The following RB1CC1 variants were observed in gnomAD, a reference collection of about 807,000 sequenced individuals.
RB1CC1 encodes RB1-inducible coiled-coil protein 1.
In RB1CC1, 46 loss-of-function variants were observed where a neutral mutation model predicts 177.5. The observed-to-expected ratio is 0.26, with a 90% confidence interval of 0.20 to 0.33. The LOEUF is 0.33. RB1CC1 is among the 10% of genes least tolerant of loss of function. RB1CC1 has a pLI of 1.00. For missense variants in RB1CC1, 1,703 were observed against 1,816.3 expected, an observed-to-expected ratio of 0.94 and a Z score of 1.13; for synonymous variants, 666 against 613.6, an observed-to-expected ratio of 1.09 and a Z score of -1.26.
rs114269867 is a variant in RB1CC1 at position 52,644,448 on chromosome 8, A to T, written c.3987+1254T>A. 1.2e-3 allele frequency among the ~76,000 whole-genome samples: 178 copies of T among 152,354 alleles called. 1 individual carries two copies. The highest frequency in any genetic ancestry group is 3.9e-3 in the African/African-American group (164 of 41,582). ...CATGTGCTTATAAGAGAACACACAA[A>T]GAGACAATGCAACACAAGGAGATAA... On this transcript the variant is annotated intron_variant, in intron 16 of 23. Transcript: ENST00000025008.
At chr8:52,673,723 A>G in intron 7 of RB1CC1, 122 bp downstream of exon 7, 1 of 871,750 alleles carries the variant, frequency 1.1e-6, no homozygotes, top group African/African-American at 1.7e-5. Context: ...TAAAAGTTTC[A>G]CTCCAAGACT....
intron 8 of RB1CC1, among the ~76,000 whole-genome samples, chr8:52,663,046 T>C (rs1467643135): frequency 1.3e-5 from 2 of 152,102 alleles, no homozygotes; most frequent in African/African-American, 2.4e-5. Flanking sequence ...TTCAATAAAT[T>C]GAATTTCATA....
chr8:52,630,829 T>C (rs1477811010), intron 20 of RB1CC1, among the ~76,000 whole-genome samples: 3 of 152,310 alleles, frequency 2.0e-5, no homozygotes, highest in African/African-American at 7.2e-5. Flanking sequence ...ATGCATTAGA[T>C]TCAAAATCTT....
intron 8 of RB1CC1, among the ~76,000 whole-genome samples, chr8:52,667,763 T>C (rs867535599): frequency 6.6e-6 from 1 of 152,212 alleles, no homozygotes; most frequent in Non-Finnish European, 1.5e-5. Context: ...ATAACTGATA[T>C]GATCATCTGC....
chr8:52,694,364 T>TC (rs1273173788), intron 1 of RB1CC1, among the ~76,000 whole-genome samples: 4 of 151,748 alleles, frequency 2.6e-5, no homozygotes, highest in East Asian at 1.9e-4. Flanking sequence ...CCCAGGCTCA[T>TC]CCCCCCCGGG....
intron 18 of RB1CC1, among the ~76,000 whole-genome samples, chr8:52,639,507 T>C (rs2150402357): frequency 6.6e-6 from 1 of 152,308 alleles, no homozygotes; most frequent in South Asian, 2.1e-4. Context: ...TCTTGCTGAA[T>C]AGCAATGGTG....
At chr8:52,705,405 T>C (rs936385313) in intron 1 of RB1CC1, among the ~76,000 whole-genome samples, 3 of 152,348 alleles carry the variant, frequency 2.0e-5, no homozygotes, top group East Asian at 1.9e-4. Context: ...AACAAGGTAC[T>C]ACTTTTTACC....
chr8:52,624,654 T>C (rs1848255663), intron 23 of RB1CC1, 63 bp downstream of exon 23: 6 of 1,276,408 alleles, frequency 4.7e-6, no homozygotes, highest in Admixed American at 3.6e-5. Context: ...GATTTCTATA[T>C]AAAGCAGTAT....
intron 8 of RB1CC1, among the ~76,000 whole-genome samples, chr8:52,667,218 C>T (rs2150525921): frequency 6.6e-6 from 1 of 152,072 alleles, no homozygotes; most frequent in Non-Finnish European, 1.5e-5. Context: ...GAACTTATCA[C>T]TAAAAGGAAA....
Position 52,657,141 on chromosome 8 carries a change from C to G in RB1CC1, c.2688G>C (p.Lys896Asn). The G allele has an allele frequency of 6.2e-7, 1 of 1,610,794 alleles. No individual in the cohort carries two copies. The highest frequency in any genetic ancestry group is 8.5e-7 in the Non-Finnish European group (1 of 1,177,978). The part of the protein sequence containing the change: ...EENENKIKKL[K>N]GELVCLEEVL... ...CCTCCTCAAGGCATACTAACTCTCCCTTCAATTTTTTAATTTTGTTTTCAT... is the reference window on the plus strand; with the variant it reads ...CCTCCTCAAGGCATACTAACTCTCCGTTCAATTTTTTAATTTTGTTTTCAT... The change falls in exon 15 of 24, where the codon AAG becomes AAC. Residue 896 changes from lysine to asparagine, a missense_variant. Coordinates refer to ENST00000025008, the MANE Select transcript of RB1CC1 (RefSeq NM_014781.5).
At chr8:52,651,435 A>G (rs1448448217) in intron 15 of RB1CC1, among the ~76,000 whole-genome samples, 1 of 152,240 alleles carries the variant, frequency 6.6e-6, no homozygotes, top group African/African-American at 2.4e-5. Context: ...CACAAAACTT[A>G]AACTACTTAC....
chr8:52,646,187 G>C (rs958997367), intron 15 of RB1CC1, among the ~76,000 whole-genome samples: 6 of 152,134 alleles, frequency 3.9e-5, no homozygotes, highest in Non-Finnish European at 8.8e-5. Flanking sequence ...CTTTGGCCGA[G>C]CTCTGTGGCT....
intron 18 of RB1CC1, among the ~76,000 whole-genome samples, chr8:52,638,837 C>T (rs895885111): frequency 1.3e-5 from 2 of 152,096 alleles, no homozygotes; most frequent in African/African-American, 2.4e-5. Context: ...AGGAGTCCAT[C>T]CTTTTACCAA....
In RB1CC1 at chr8:52,657,471, C is replaced by A. The variant is rs770385609; in HGVS notation, c.2358G>T (p.Glu786Asp). The change falls in exon 15 of 24, where the codon GAG becomes GAT. Residue 786 changes from glutamate (E) to aspartate (D), a missense_variant. Physicochemically the swap from Glu to Asp is conservative, Grantham distance 45. Coordinates refer to ENST00000025008, the MANE Select transcript of RB1CC1 (RefSeq NM_014781.5). ...TCAGAGAAGTATGATCTCCAAAATCCTCCTTACCACATACATTTGTATCCT... is the reference window on the plus strand; with the variant it reads ...TCAGAGAAGTATGATCTCCAAAATCATCCTTACCACATACATTTGTATCCT... ...RMQDTNVCGKEDFGDHTSLNV... is the reference protein window; with the variant it reads ...RMQDTNVCGKDDFGDHTSLNV... The A allele has an allele frequency of 1.1e-5, 17 of 1,613,754 alleles. No homozygotes were observed. Among genetic ancestry groups the A allele is most frequent in the Non-Finnish European group, 1.4e-5 (17 of 1,180,010 alleles).
At chr8:52,703,712 C>T (rs1856303440) in intron 1 of RB1CC1, among the ~76,000 whole-genome samples, 1 of 152,212 alleles carries the variant, frequency 6.6e-6, no homozygotes. Context: ...TGCCCTGCTA[C>T]ACTTTTTTGC....
chr8:52,646,666 A>C (rs1024590013), intron 15 of RB1CC1, among the ~76,000 whole-genome samples: 6 of 152,188 alleles, frequency 3.9e-5, no homozygotes, highest in African/African-American at 1.4e-4. Context: ...CTGAACTCAT[A>C]CTCATTTTCC....
Position 52,658,088 on chromosome 8 carries a change from C to T in RB1CC1, c.1830G>A (p.Gln610=), listed in dbSNP as rs1191753797. ...CCAAATTATGTAGAGCAAGTACATG[C>T]TGGTGTAGAGGTTCAAAGTCACAAA... ...PLLCDFEPLH[Q]HVLALHNLVK... Residue 610 remains glutamine (Q), a synonymous_variant, in exon 14 of 24, where the codon CAG becomes CAA. Coordinates refer to ENST00000025008, the MANE Select transcript of RB1CC1 (RefSeq NM_014781.5). The T allele has an allele frequency of 1.2e-6, 2 of 1,613,858 alleles. No individual in the cohort carries two copies. The highest frequency in any genetic ancestry group is 1.7e-6 in the Non-Finnish European group (2 of 1,179,940).
intron 7 of RB1CC1, 73 bp downstream of exon 7, chr8:52,673,772 T>G: frequency 7.4e-7 from 1 of 1,349,246 alleles, no homozygotes; most frequent in Non-Finnish European, 9.9e-7. Flanking sequence ...ATTCTCTCAG[T>G]ACATAAAATA....
At chr8:52,636,612 A>G (rs1455776532) in intron 18 of RB1CC1, among the ~76,000 whole-genome samples, 1 of 152,228 alleles carries the variant, frequency 6.6e-6, no homozygotes, top group African/African-American at 2.4e-5. Context: ...AAGTAACTTG[A>G]TGCAAGGCAG....
Sources: gnomAD v4.1 joint callset for allele counts (sites outside exome capture counted in the v4.1 genomes callset) on GRCh38, gnomAD v4.1.1 for gene constraint, MANE v1.5 for transcripts, NCBI Gene and HGNC (gene_info 2026-07-23, HGNC 2026-07-21) for gene names.